Variants in PAIP2B observed in about 807,000 individuals in gnomAD.
PAIP2B encodes poly(A) binding protein interacting protein 2B.
A neutral mutation model predicts 17.0 loss-of-function variants in PAIP2B; 13 were observed. The ratio of observed to expected loss-of-function variants is 0.76; its 90% confidence interval spans 0.50 to 1.22. The LOEUF (loss-of-function observed/expected upper bound fraction) is 1.22. PAIP2B is among the 50% of genes most tolerant of loss of function. PAIP2B has a pLI of 0.00. For synonymous variants in PAIP2B, 43 were observed against 48.7 expected (o/e 0.88, Z 0.48); for missense variants, 117 against 144.5 (o/e 0.81, Z 0.98).
Position 71,218,103 on chromosome 2 carries a change from CTA to C in PAIP2B, c.-12+8823_-12+8824del, listed in dbSNP as rs567624565. ...CCTACTCCTGTTTACACTAAAATCA[CTA>C]AGTTAAAATGCTTTCATTCAGCCCA... On this transcript the variant is annotated intron_variant, in intron 1 of 3. Transcript: ENST00000244221. 7.9e-5 allele frequency among the ~76,000 whole-genome samples: 12 copies of C among 151,924 alleles called. No homozygotes were observed. In the South Asian group the frequency reaches 2.5e-3, roughly 32 times the overall value.
rs1491120413 is a variant in PAIP2B, at chr2:71,194,492, T to TGTGG, written c.139-4472_139-4471insCCAC. Among the ~76,000 whole-genome samples the TGTGG allele has an allele frequency of 5.2e-5, 7 of 134,426 alleles. No individual in the cohort carries two copies. The East Asian group carries it at 2.4e-3, about 46-fold the overall frequency. The allele number at this position is 134,426 out of a possible 152,430, so 88.2% of individuals were successfully genotyped here. A position where few individuals can be genotyped will look rare whatever the true frequency, so the allele number is the denominator to read the frequency against. ...GTGTGTGTGTGTGTGTGTGTGTGTG[T>TGTGG]GGCAACTGTGAATGGGATTGCCTTT... On this transcript the variant is annotated intron_variant, in intron 2 of 3. Coordinates refer to ENST00000244221, the MANE Select transcript of PAIP2B (RefSeq NM_020459.1).
At chr2:71,207,543 T>A (rs1156689080) in intron 1 of PAIP2B, among the ~76,000 whole-genome samples, 1 of 152,058 alleles carries the variant, frequency 6.6e-6, no homozygotes, top group Non-Finnish European at 1.5e-5. Flanking sequence ...ATTCGACATA[T>A]TTTGAGATCA....
chr2:71,192,424 G>T (rs1406913432), intron 2 of PAIP2B, among the ~76,000 whole-genome samples: 1 of 151,756 alleles, frequency 6.6e-6, no homozygotes, highest in Non-Finnish European at 1.5e-5. Flanking sequence ...CTGTTATAGT[G>T]CTCTGTAATC....
In PAIP2B at chr2:71,185,577, GAAAAAAAAAAA is replaced by G. The variant is rs34802820; in HGVS notation, c.*2891_*2901del. 2.1e-5 allele frequency: 2 copies of G among 97,170 alleles called. No homozygotes were observed. Among genetic ancestry groups the G allele is most frequent in the Non-Finnish European group, 4.6e-5 (2 of 43,428 alleles). 6.0% of individuals were successfully genotyped at this position (97,170 alleles called of 1,614,324 possible). On this transcript the variant is annotated 3_prime_UTR_variant, in exon 4 of 4. Coordinates refer to ENST00000244221, the MANE Select transcript of PAIP2B (RefSeq NM_020459.1). Reference sequence around the variant, plus strand: ...AGTGAGACTATGTCTCAAAAAAAAAGAAAAAAAAAAAAAAAAGAGGGACCCCAGCTGCTGTG... The same window carrying G: ...AGTGAGACTATGTCTCAAAAAAAAAGAAAAAGAGGGACCCCAGCTGCTGTG...
intron 1 of PAIP2B, among the ~76,000 whole-genome samples, chr2:71,207,875 A>G (rs1175586088): frequency 6.6e-6 from 1 of 152,104 alleles, no homozygotes; most frequent in Non-Finnish European, 1.5e-5. Context: ...GCGTGGGGGT[A>G]AAAAAGGTGA....
Position 71,185,924 on chromosome 2 carries a change from T to C in PAIP2B, c.*2555A>G, listed in dbSNP as rs1036088225. 1.3e-5 allele frequency: 2 copies of C among 152,366 alleles called. No individual in the cohort carries two copies. The highest frequency in any genetic ancestry group is 4.8e-5 in the African/African-American group (2 of 41,588). The allele number at this position is 152,366 out of a possible 1,614,324, so 9.4% of individuals were successfully genotyped here. A position where few individuals can be genotyped will look rare whatever the true frequency, so the allele number is the denominator to read the frequency against. ...CAGATCAATCACTAATAAACTAACA[T>C]TGGGACCAGCCAGATTGGCAACTGT... On this transcript the variant is annotated 3_prime_UTR_variant, in exon 4 of 4. Coordinates refer to ENST00000244221, the MANE Select transcript of PAIP2B (RefSeq NM_020459.1).
At chr2:71,201,964 TAA>T (rs1467218499) in intron 2 of PAIP2B, among the ~76,000 whole-genome samples, 1 of 152,230 alleles carries the variant, frequency 6.6e-6, no homozygotes, top group African/African-American at 2.4e-5. Flanking sequence ...CTAAGATTGA[TAA>T]GAGTCTTGTT....
intron 2 of PAIP2B, among the ~76,000 whole-genome samples, chr2:71,196,046 T>C (rs1482632425): frequency 1.3e-5 from 2 of 152,164 alleles, no homozygotes; most frequent in Non-Finnish European, 2.9e-5. Flanking sequence ...TTATTTCTCG[T>C]CTTCTGCTAG....
At position 71,186,772 on chromosome 2, in the gene PAIP2B, G is replaced by C. The variant is rs907811760; in HGVS notation, c.*1707C>G. ...GGAATTAATGTGTCTGTCTGGTAATGCAAGTTCTCTAAGCTACTCTCCTAT... is the reference window on the plus strand; with the variant it reads ...GGAATTAATGTGTCTGTCTGGTAATCCAAGTTCTCTAAGCTACTCTCCTAT... On this transcript the variant is annotated 3_prime_UTR_variant, in exon 4 of 4. Transcript: ENST00000244221. 2.0e-5 allele frequency: 3 copies of C among 152,190 alleles called. No homozygotes were observed. The highest frequency in any genetic ancestry group is 4.4e-5 in the Non-Finnish European group (3 of 68,042). 9.4% of individuals were successfully genotyped at this position (152,190 alleles called of 1,614,324 possible).
chr2:71,194,565 T>C (rs1674770066), intron 2 of PAIP2B, among the ~76,000 whole-genome samples: 1 of 152,046 alleles, frequency 6.6e-6, no homozygotes, highest in South Asian at 2.1e-4. Context: ...GGAATGCTAG[T>C]GATTTTTGTA....
chr2:71,216,321 C>T (rs942359418), intron 1 of PAIP2B, among the ~76,000 whole-genome samples: 6 of 152,182 alleles, frequency 3.9e-5, no homozygotes, highest in African/African-American at 1.4e-4. Context: ...ATCACTAAAT[C>T]CTATTTGCCT....
intron 1 of PAIP2B, among the ~76,000 whole-genome samples, chr2:71,222,130 C>A (rs532816043): frequency 5.9e-5 from 9 of 152,306 alleles, no homozygotes; most frequent in Admixed American, 5.9e-4. Flanking sequence ...GTAACACTCA[C>A]CACGAAGGTC....
intron 3 of PAIP2B, 94 bp from the exon 4 acceptor site, chr2:71,188,629 A>G: frequency 1.9e-6 from 2 of 1,044,906 alleles, no homozygotes; most frequent in Non-Finnish European, 2.9e-6. Context: ...CCTTAGCTTT[A>G]GGGAGAGAAA....
chr2:71,188,156 C>T lies in PAIP2B; in HGVS notation c.*323G>A. On this transcript the variant is annotated 3_prime_UTR_variant, in exon 4 of 4. Transcript: ENST00000244221. Reference sequence around the variant, plus strand: ...TCCTAAATATCCAGTTTTTCTTAGTCAGCTTATTTTGTTTAAATACACACC... The same window carrying T: ...TCCTAAATATCCAGTTTTTCTTAGTTAGCTTATTTTGTTTAAATACACACC... 3 of 276,690 alleles carry T rather than the reference C, an allele frequency of 1.1e-5. No individual in the cohort carries two copies. Among genetic ancestry groups the T allele is most frequent in the Non-Finnish European group, 2.0e-5 (3 of 147,166 alleles). 17.1% of individuals were successfully genotyped at this position (276,690 alleles called of 1,614,324 possible). A position where few individuals can be genotyped will look rare whatever the true frequency, so the allele number is the denominator to read the frequency against.
Position 71,190,017 on chromosome 2 carries a change from T to C in PAIP2B, c.143A>G (p.Glu48Gly), listed in dbSNP as rs1328857266. The change falls in exon 3 of 4, where the codon GAG (glutamate) becomes GGG (glycine). Residue 48 changes from glutamate (E) to glycine (G), a missense_variant. Glu to Gly is a moderately conservative substitution (Grantham distance 98). Transcript: ENST00000244221. ...GAAGTCTTGCTCCTGCAGTTCCTCC[T>C]CCACCTAGCAAGCAAAGGGGAGCAG... The part of the protein sequence containing the change: ...ENEEDFNRQV[E>G]EELQEQDFLD... The C allele has an allele frequency of 6.2e-7, 1 of 1,609,960 alleles. No individual in the cohort carries two copies. Among genetic ancestry groups the C allele is most frequent in the Non-Finnish European group, 8.5e-7 (1 of 1,178,232 alleles).
chr2:71,201,213 T>C (rs1203249236), intron 2 of PAIP2B, among the ~76,000 whole-genome samples: 1 of 152,210 alleles, frequency 6.6e-6, no homozygotes, highest in Non-Finnish European at 1.5e-5. Context: ...GTTAAGAGCA[T>C]GTCAGTGAGT....
intron 2 of PAIP2B, among the ~76,000 whole-genome samples, chr2:71,198,229 C>T (rs1674875983): frequency 6.6e-6 from 1 of 151,054 alleles, no homozygotes; most frequent in African/African-American, 2.4e-5. Context: ...AAGAGATTCT[C>T]CTGCCTCAGC....
chr2:71,191,813 G>C (rs1483631390), intron 2 of PAIP2B, among the ~76,000 whole-genome samples: 1 of 152,174 alleles, frequency 6.6e-6, no homozygotes, highest in Non-Finnish European at 1.5e-5. Flanking sequence ...ACCGTGGAAG[G>C]GACCAAGTGG....
intron 1 of PAIP2B, among the ~76,000 whole-genome samples, chr2:71,206,763 TA>T (rs1469892872): frequency 6.6e-6 from 1 of 152,224 alleles, no homozygotes; most frequent in Non-Finnish European, 1.5e-5. Context: ...AACAGTTTGC[TA>T]AGATTACTTA....
Sources: allele counts gnomAD v4.1 joint callset (sites outside exome capture counted in the v4.1 genomes callset), GRCh38; gene constraint gnomAD v4.1.1; transcripts MANE v1.5; gene names NCBI Gene and HGNC (gene_info 2026-07-23, HGNC 2026-07-21).